Variants in HS6ST1 observed in about 807,000 individuals in gnomAD.
HS6ST1 encodes the protein heparan sulfate 6-O-sulfotransferase 1.
In HS6ST1, 3 loss-of-function variants were observed where a neutral mutation model predicts 25.2. That is an observed-to-expected ratio of 0.12 (90% CI 0.05 to 0.31). The LOEUF (loss-of-function observed/expected upper bound fraction) is 0.31. Ranked by LOEUF, HS6ST1 falls within the 10% of genes least tolerant of loss-of-function variation. HS6ST1 has a pLI of 1.00. For synonymous variants in HS6ST1, 204 were observed against 275.1 expected, an observed-to-expected ratio of 0.74 and a Z score of 2.56; for missense variants, 310 against 609.6, an observed-to-expected ratio of 0.51 and a Z score of 5.18.
intron 1 of HS6ST1, among the ~76,000 whole-genome samples, chr2:128,300,883 T>A (rs1694115632): frequency 6.6e-6 from 1 of 152,204 alleles, no homozygotes; most frequent in Non-Finnish European, 1.5e-5. Context: ...AGTATCTTTC[T>A]CAAGGGAGAG....
chr2:128,304,610 G>A (rs1056635445), intron 1 of HS6ST1, among the ~76,000 whole-genome samples: 60 of 46,048 alleles, frequency 1.3e-3, no homozygotes, highest in African/African-American at 6.5e-3. Flanking sequence ...TCCCCTCTCG[G>A]GAGAGCCCAG....
intron 1 of HS6ST1, among the ~76,000 whole-genome samples, chr2:128,308,746 G>C (rs1694247550): frequency 6.6e-6 from 1 of 152,210 alleles, no homozygotes; most frequent in African/African-American, 2.4e-5. Flanking sequence ...TCATCACCTT[G>C]GAAGGCCAGT....
At chr2:128,283,063 C>G (rs1357788973) in intron 1 of HS6ST1, among the ~76,000 whole-genome samples, 1 of 152,214 alleles carries the variant, frequency 6.6e-6, no homozygotes, top group Admixed American at 6.5e-5. Context: ...AAACAGCTGT[C>G]CTATCAGATC....
rs2104941466 is a variant in HS6ST1 at position 128,318,059 on chromosome 2, A to T, written c.505T>A (p.Ser169Thr). 1 of 1,522,782 alleles carries T rather than the reference A, an allele frequency of 6.6e-7. No homozygotes were observed. The highest frequency in any genetic ancestry group is 2.5e-5 in the East Asian group (1 of 39,730). 94.3% of individuals were successfully genotyped at this position (1,522,782 alleles called of 1,614,324 possible). ...CACCTGGGCGTGCGCAGCGCGGCGG[A>T]GTCGCGGCGGTCCAGCACGCCGGGC... ...CVPGVLDRRD[S>T]AALRTPRKFY... The change falls in exon 1 of 2, where the codon TCC becomes ACC. Residue 169 changes from serine (S) to threonine (T), a missense_variant. Ser to Thr is a moderately conservative substitution (Grantham distance 58). Around this residue, in one of 5 missense-constraint regions of HS6ST1, gnomAD observed 98 missense variants for 270.3 expected, o/e 0.36. Transcript: ENST00000259241. This position sits in a 1 kb window ranked among gnomAD's most constrained non-coding sequence, Gnocchi z 5.7.
chr2:128,291,488 G>A (rs1004264210), intron 1 of HS6ST1, among the ~76,000 whole-genome samples: 2 of 152,246 alleles, frequency 1.3e-5, no homozygotes, highest in African/African-American at 4.8e-5. Context: ...CTCTGGCAGG[G>A]AGGGCCCCAG....
chr2:128,284,793 G>A (rs1264766365), intron 1 of HS6ST1, among the ~76,000 whole-genome samples: 4 of 152,134 alleles, frequency 2.6e-5, no homozygotes, highest in African/African-American at 4.8e-5. Context: ...CAGCCCCATC[G>A]TCCCTCTTAA....
intron 1 of HS6ST1, among the ~76,000 whole-genome samples, chr2:128,285,349 C>T (rs1477360757): frequency 6.6e-6 from 1 of 152,174 alleles, no homozygotes; most frequent in East Asian, 1.9e-4. Context: ...GTGGGAAGGG[C>T]AGGTGGCTCC....
At chr2:128,304,809 C>A (rs1163228977) in intron 1 of HS6ST1, among the ~76,000 whole-genome samples, 2 of 152,232 alleles carry the variant, frequency 1.3e-5, no homozygotes, top group Non-Finnish European at 2.9e-5. Context: ...CACCCTGGAG[C>A]ACTCAGCATC....
At chr2:128,300,095 G>A (rs1694100851) in intron 1 of HS6ST1, among the ~76,000 whole-genome samples, 1 of 152,150 alleles carries the variant, frequency 6.6e-6, no homozygotes. Context: ...CCAAACCAAG[G>A]ACCCCAGCGG....
intron 1 of HS6ST1, among the ~76,000 whole-genome samples, chr2:128,287,652 G>C (rs1055455573): frequency 6.6e-6 from 1 of 152,254 alleles, no homozygotes; most frequent in African/African-American, 2.4e-5. Context: ...TCAATGAGGG[G>C]AGAACAGGCG....
chr2:128,306,827 C>T (rs922969797), intron 1 of HS6ST1, among the ~76,000 whole-genome samples: 1 of 152,144 alleles, frequency 6.6e-6, no homozygotes, highest in Non-Finnish European at 1.5e-5. Context: ...TGGGTGCGCC[C>T]GCAGCAGACG....
chr2:128,286,782 AACAAGGTC>A (rs1428451683), intron 1 of HS6ST1, among the ~76,000 whole-genome samples: 3 of 152,236 alleles, frequency 2.0e-5, no homozygotes, highest in African/African-American at 7.2e-5. Flanking sequence ...TGGCTTTACA[AACAAGGTC>A]AGCAAAGGTT....
At chr2:128,279,329 CCT>C (rs1491571638) in intron 1 of HS6ST1, among the ~76,000 whole-genome samples, 1 of 131,394 alleles carries the variant, frequency 7.6e-6, no homozygotes, top group Non-Finnish European at 1.6e-5. Flanking sequence ...AATGACAGAA[CCT>C]TTTTTTTTTT....
chr2:128,268,313 T>A lies in HS6ST1; in HGVS notation c.1085A>T (p.Lys362Met). The A allele has an allele frequency of 6.2e-7, 1 of 1,613,384 alleles. No homozygotes were observed. The highest frequency in any genetic ancestry group is 8.5e-7 in the Non-Finnish European group (1 of 1,179,850). Residue 362 changes from lysine (K) to methionine (M), a missense_variant, in exon 2 of 2, where the codon AAG (lysine) becomes ATG (methionine). Lys to Met is a moderately conservative substitution (Grantham distance 95, BLOSUM62 -1). This residue lies in a region of HS6ST1 where 140 missense variants were observed against 176.5 expected (regional missense o/e 0.79). Transcript: ENST00000259241. ...CTGCTCCCTGCGCTCCAGCTGCCGC[T>A]TGTACTGGTAGCGCTGCTGGAAGAG... ...KDLFQQRYQYKRQLERREQRL... is the reference protein window; with the variant it reads ...KDLFQQRYQYMRQLERREQRL...
At chr2:128,308,397 C>T (rs13010149) in intron 1 of HS6ST1, among the ~76,000 whole-genome samples, 23,916 of 152,204 alleles carry the variant, frequency 0.16, 2,349 homozygotes, top group Non-Finnish European at 0.22. Context: ...AGGCCTGGGC[C>T]CTCAGCCAGG....
chr2:128,268,075 T>A lies in HS6ST1; in HGVS notation c.*87A>T. 2 of 938,952 alleles carry A rather than the reference T, an allele frequency of 2.1e-6. No homozygotes were observed. Among genetic ancestry groups the A allele is most frequent in the South Asian group, 2.9e-5 (2 of 70,070 alleles). 58.2% of individuals were successfully genotyped at this position (938,952 alleles called of 1,614,324 possible). ...CTGTGGAGCAGGTTTGGGATGCTCA[T>A]CCCTTGACAGTCTTGGGTGGACCTG... is the stretch of plus-strand genomic sequence containing the variant. On this transcript the variant is annotated 3_prime_UTR_variant, in exon 2 of 2. Coordinates refer to ENST00000259241, the MANE Select transcript of HS6ST1 (RefSeq NM_004807.3).
intron 1 of HS6ST1, among the ~76,000 whole-genome samples, chr2:128,286,942 T>TAGGA (rs1693873913): frequency 6.6e-6 from 1 of 152,120 alleles, no homozygotes; most frequent in Non-Finnish European, 1.5e-5. Flanking sequence ...GAATGCCTCC[T>TAGGA]AGGAGCCTGA....
At chr2:128,301,902 C>G (rs1694135718) in intron 1 of HS6ST1, among the ~76,000 whole-genome samples, 1 of 152,224 alleles carries the variant, frequency 6.6e-6, no homozygotes, top group Non-Finnish European at 1.5e-5. Flanking sequence ...GGACACCATG[C>G]TGGCCGGTGT....
At chr2:128,316,674 C>T (rs572181955) in intron 1 of HS6ST1, among the ~76,000 whole-genome samples, 1 of 152,060 alleles carries the variant, frequency 6.6e-6, no homozygotes, top group South Asian at 2.1e-4. Flanking sequence ...ACATCACCTC[C>T]CAGGCTGGGA....
Sources: allele counts gnomAD v4.1 joint callset (sites outside exome capture counted in the v4.1 genomes callset), GRCh38; gene constraint gnomAD v4.1.1; regional missense constraint gnomAD v4.1.1; non-coding constraint Gnocchi (gnomAD v3.1); transcripts MANE v1.5; gene names NCBI Gene and HGNC (gene_info 2026-07-23, HGNC 2026-07-21).